The following CC2D1B variants were observed in gnomAD, a reference collection of about 807,000 sequenced individuals.
CC2D1B encodes coiled-coil and C2 domain-containing protein 1B.
CC2D1B carries 92 observed loss-of-function variants against 110.8 expected under a neutral mutation model. The observed-to-expected ratio is 0.83, with a 90% CI of 0.70 to 0.99. The LOEUF is 0.99. CC2D1B is among the 50% of genes least tolerant of loss of function. The pLI is 0.00. For missense variants in CC2D1B, 1,136 were observed against 1,089.0 expected (o/e 1.04, Z -0.61); for synonymous variants, 406 against 429.2 (o/e 0.95, Z 0.67).
intron 24 of CC2D1B, 63 bp downstream of exon 24, chr1:52,353,455 G>A: frequency 6.4e-7 from 1 of 1,555,206 alleles, no homozygotes. Flanking sequence ...CCAGATATGA[G>A]TTGAGTAGTT....
intron 15 of CC2D1B, 68 bp downstream of exon 15, chr1:52,357,458 A>G (rs1215507595): frequency 1.3e-6 from 2 of 1,481,868 alleles, no homozygotes; most frequent in Non-Finnish European, 1.8e-6. Context: ...CCTTGTTCAC[A>G]GCCTGTCAAG....
In CC2D1B at chr1:52,359,161, G is replaced by A. The variant is rs1304046554; in HGVS notation, c.1127-4C>T. Reference sequence around the variant, plus strand: ...GTCTGTGACTCTGTAGGGGCCACTTGAAGGAAAGAAGGAAGAAGTGGGCAT... The same window carrying A: ...GTCTGTGACTCTGTAGGGGCCACTTAAAGGAAAGAAGGAAGAAGTGGGCAT... On this transcript the variant is annotated splice_region_variant and splice_polypyrimidine_tract_variant and intron_variant, in intron 10 of 24. Transcript: ENST00000284376. 4 of 1,609,318 alleles carry A rather than the reference G, an allele frequency of 2.5e-6. No individual in the cohort carries two copies. The highest frequency in any genetic ancestry group is 3.3e-5 in the Admixed American group (2 of 59,946).
rs1355091588 is a variant in CC2D1B at position 52,360,102 on chromosome 1, G to A, written c.735C>T (p.Asp245=). 2.5e-6 allele frequency: 4 copies of A among 1,595,628 alleles called. No individual in the cohort carries two copies. Among genetic ancestry groups the A allele is most frequent in the Non-Finnish European group, 3.4e-6 (4 of 1,171,492 alleles). The change falls in exon 7 of 25, where the codon GAC becomes GAT. Residue 245 remains aspartate (D), a synonymous_variant. Transcript: ENST00000284376. The part of the protein sequence containing the change: ...QEPANRSPET[D]PPAPPALESD... ...ACTCCAAGGCAGGGGGAGCTGGAGG[G>A]TCTGTCTCAGGGCTCCTGTTGGCTG...
At chr1:52,364,679 C>A in intron 1 of CC2D1B, 45 bp from the exon 2 acceptor site, 1 of 1,354,616 alleles carries the variant, frequency 7.4e-7, no homozygotes. Context: ...GCCCATAAGC[C>A]ACGCCCCCAA....
chr1:52,358,942 A>G, intron 11 of CC2D1B, 85 bp downstream of exon 11: 1 of 1,556,644 alleles, frequency 6.4e-7, no homozygotes, highest in Non-Finnish European at 8.7e-7. Flanking sequence ...AGAAAAGACA[A>G]GGACTAGCCG....
chr1:52,365,508 G>C (rs1201066566), intron 1 of CC2D1B, among the ~76,000 whole-genome samples: 1 of 152,246 alleles, frequency 6.6e-6, no homozygotes, highest in Non-Finnish European at 1.5e-5. Flanking sequence ...TGGAACCTGA[G>C]GCCTGGTATG....
intron 1 of CC2D1B, 130 bp from the exon 2 acceptor site, chr1:52,364,764 C>G: frequency 1.9e-6 from 1 of 519,668 alleles, no homozygotes; most frequent in Non-Finnish European, 3.5e-6. Context: ...TATGGGTTAC[C>G]TTTAATTAAA....
chr1:52,360,962 T>A lies in CC2D1B; in HGVS notation c.477+12A>T. On this transcript the variant is annotated intron_variant, in intron 5 of 24. Transcript: ENST00000284376. The stretch of plus-strand genomic sequence containing the variant: ...AGCATCAGAGGCACAGGGGCCCTCC[T>A]CCAGAACCCACCTGAGCTGCTGGGG... 1.2e-6 allele frequency: 2 copies of A among 1,613,728 alleles called. No individual in the cohort carries two copies. Among genetic ancestry groups the A allele is most frequent in the Non-Finnish European group, 8.5e-7 (1 of 1,179,938 alleles).
chr1:52,357,916 G>A lies in CC2D1B; in HGVS notation c.1462-18C>T, dbSNP rs1458849973. ...GGCTCACCCTGCAGGTGCCCAGGAG[G>A]CTGTTAGGAGGGGATGTGTTCCCTA... On this transcript the variant is annotated intron_variant, in intron 13 of 24. Transcript: ENST00000284376. 2 of 1,536,294 alleles carry A rather than the reference G, an allele frequency of 1.3e-6. No individual in the cohort carries two copies. Among genetic ancestry groups the A allele is most frequent in the Non-Finnish European group, 1.7e-6 (2 of 1,148,044 alleles).
At chr1:52,354,332 C>T (rs760359595) in intron 23 of CC2D1B, 1 of 637,834 alleles carries the variant, frequency 1.6e-6, no homozygotes, top group Non-Finnish European at 2.9e-6. Context: ...TGAGTTTCCT[C>T]ATTTGTCAGA....
At chr1:52,357,417 T>C (rs2147891848) in intron 15 of CC2D1B, 109 bp downstream of exon 15, 1 of 1,198,650 alleles carries the variant, frequency 8.3e-7, no homozygotes, top group Non-Finnish European at 1.2e-6. Flanking sequence ...CATCATGCTC[T>C]GTCCAAACCC....
intron 1 of CC2D1B, among the ~76,000 whole-genome samples, chr1:52,365,054 A>G (rs966522626): frequency 2.0e-5 from 3 of 152,242 alleles, no homozygotes; most frequent in Non-Finnish European, 2.9e-5. Context: ...CTTAACAGCC[A>G]TATGTGGTGA....
chr1:52,354,837 C>A lies in CC2D1B; in HGVS notation c.2339+3G>T, dbSNP rs756595465. 1.9e-6 allele frequency: 3 copies of A among 1,613,888 alleles called. No individual in the cohort carries two copies. In the Admixed American group the frequency reaches 5.0e-5, roughly 27 times the overall value. On this transcript the variant is annotated splice_donor_region_variant and intron_variant, in intron 22 of 24. Coordinates refer to ENST00000284376, the MANE Select transcript of CC2D1B (RefSeq NM_001330585.2). ...GTGGCAGCATGACCGATAGGAGCCT[C>A]ACCCTTTGTGGAAGATCTCAAACTT...
chr1:52,355,552 A>C, intron 20 of CC2D1B, 56 bp downstream of exon 20: 1 of 1,609,562 alleles, frequency 6.2e-7, no homozygotes, highest in Non-Finnish European at 8.5e-7. Context: ...AAGTGAGCAC[A>C]GGGTCCTGGA....
At chr1:52,356,051 C>A in intron 18 of CC2D1B, 135 bp downstream of exon 18, 1 of 901,606 alleles carries the variant, frequency 1.1e-6, no homozygotes, top group South Asian at 1.5e-5. Context: ...TGCACCCTGT[C>A]GTCCTCAGCA....
intron 1 of CC2D1B, among the ~76,000 whole-genome samples, chr1:52,365,433 A>C (rs1646860996): frequency 6.6e-6 from 1 of 152,234 alleles, no homozygotes; most frequent in African/African-American, 2.4e-5. Flanking sequence ...GAAAGAGGGA[A>C]ATAGGATTCC....
At chr1:52,365,784 C>G (rs1321068599) in intron 1 of CC2D1B, among the ~76,000 whole-genome samples, 1 of 151,642 alleles carries the variant, frequency 6.6e-6, no homozygotes, top group Non-Finnish European at 1.5e-5. Flanking sequence ...GTGGAGGCGG[C>G]GGGGAGCGGG....
chr1:52,355,310 A>G (rs1425736658), intron 21 of CC2D1B, 88 bp downstream of exon 21: 3 of 1,361,112 alleles, frequency 2.2e-6, no homozygotes, highest in Non-Finnish European at 3.1e-6. Context: ...TGGATCAAGT[A>G]AGGGCATAGA....
rs750119111 is a variant in CC2D1B at position 52,359,213 on chromosome 1, C to T, written c.1126+37G>A. The T allele has an allele frequency of 1.9e-6, 3 of 1,610,780 alleles. No homozygotes were observed. The South Asian group carries it at 3.3e-5, about 18-fold the overall frequency. ...AGGTCAGCCTGCCCTCCAATGCCTG[C>T]AGGTCCCCACGCCACAGTCCCACCA... is the stretch of plus-strand genomic sequence containing the variant. On this transcript the variant is annotated intron_variant, in intron 10 of 24. Transcript: ENST00000284376.
Sources: gnomAD v4.1 joint callset for allele counts (sites outside exome capture counted in the v4.1 genomes callset) on GRCh38, gnomAD v4.1.1 for gene constraint, MANE v1.5 for transcripts, NCBI Gene and HGNC (gene_info 2026-07-23, HGNC 2026-07-21) for gene names.